LRRC53: variants seen among roughly 807,000 people sequenced by gnomAD.
LRRC53 encodes the protein leucine rich repeat containing 53.
Under a neutral mutation model 13.6 loss-of-function variants are expected in LRRC53, and 25 were observed. The ratio of observed to expected loss-of-function variants is 1.83; its 90% CI spans 1.34 to 2.56. The LOEUF is 2.56. Ranked by LOEUF, LRRC53 falls within the 30% of genes most tolerant of loss-of-function variation. The probability of loss-of-function intolerance (pLI) is 0.00; values close to 1 mark genes in which losing one functional copy is unlikely to be tolerated. For missense variants in LRRC53, 527 were observed against 275.8 expected (o/e 1.91, Z -6.45); for synonymous variants, 204 against 109.8 (o/e 1.86, Z -5.37).
chr1:74,511,344 C>T (rs554503958), intron 1 of LRRC53, among the ~76,000 whole-genome samples: 24 of 152,300 alleles, frequency 1.6e-4, no homozygotes, highest in African/African-American at 5.8e-4. Context: ...AGGCACACGT[C>T]ACTACACCCT....
intron 1 of LRRC53, among the ~76,000 whole-genome samples, chr1:74,485,290 G>T (rs1044799227): frequency 2.0e-5 from 3 of 152,194 alleles, no homozygotes; most frequent in African/African-American, 7.2e-5. Context: ...GGTAATTCCA[G>T]TCTGAGAAAA....
At chr1:74,535,338 G>A in the LRRC53 span, among the ~76,000 whole-genome samples, 1 of 152,094 alleles carries the variant, frequency 6.6e-6, no homozygotes, top group Non-Finnish European at 1.5e-5. Context: ...AGGCATGGTG[G>A]CACATGCCTG....
chr1:74,514,041 C>T (rs1399965585), upstream of LRRC53, among the ~76,000 whole-genome samples: 1 of 152,102 alleles, frequency 6.6e-6, no homozygotes, highest in Non-Finnish European at 1.5e-5. Context: ...AGCCAGTAAA[C>T]GATAACTGCG....
At position 74,492,064 on chromosome 1, in the gene LRRC53, T is replaced by C. The variant is rs1249431013; in HGVS notation, c.-26-8689A>G. 6 of 1,484,170 alleles carry C rather than the reference T, an allele frequency of 4.0e-6. No individual in the cohort carries two copies. In the East Asian group the frequency reaches 1.4e-4, roughly 35 times the overall value. 91.9% of individuals were successfully genotyped at this position (1,484,170 alleles called of 1,614,324 possible). A position where few individuals can be genotyped will look rare whatever the true frequency, so the allele number is the denominator to read the frequency against. On this transcript the variant is annotated intron_variant, in intron 1 of 4. Coordinates refer to ENST00000294635, the MANE Select transcript of LRRC53 (RefSeq NM_001382280.1). ...TATGTCTTCACACCTGTTGGAAGTA[T>C]TAAACAATTGAAATTGCCCCTCCTC...
At chr1:74,518,918 C>T in the LRRC53 span, among the ~76,000 whole-genome samples, 1 of 79,202 alleles carries the variant, frequency 1.3e-5, no homozygotes, top group Non-Finnish European at 2.0e-5. Flanking sequence ...TTTTAGGGTA[C>T]ATGTGCACAT....
rs1668595150 is a variant in LRRC53, at chr1:74,483,335, C to T, written c.15G>A (p.Val5=). 2 of 717,322 alleles carry T rather than the reference C, an allele frequency of 2.8e-6. No homozygotes were observed. Among genetic ancestry groups the T allele is most frequent in the African/African-American group, 1.7e-5 (1 of 57,208 alleles). The allele number at this position is 717,322 out of a possible 1,614,324, so 44.4% of individuals were successfully genotyped here. A position where few individuals can be genotyped will look rare whatever the true frequency, so the allele number is the denominator to read the frequency against. The change falls in exon 2 of 5, where the codon GTG becomes GTA. Residue 5 remains valine (V), a synonymous_variant. Coordinates refer to ENST00000294635, the MANE Select transcript of LRRC53 (RefSeq NM_001382280.1). Reference sequence around the variant, plus strand: ...CCACACATGACTCAGGGCAAGCTGCCACCAACCGCAACATGATGGCAAAGA... The same window carrying T: ...CCACACATGACTCAGGGCAAGCTGCTACCAACCGCAACATGATGGCAAAGA... MLRL[V]AACPESCVVC...
At chr1:74,480,041 C>T (rs975497680) in intron 3 of LRRC53, 112 bp downstream of exon 3, 8 of 613,138 alleles carry the variant, frequency 1.3e-5, no homozygotes, top group African/African-American at 1.3e-4. Context: ...CTGGCAACCT[C>T]TCCTTTCCAT....
intron 3 of LRRC53, among the ~76,000 whole-genome samples, chr1:74,476,086 ACT>A (rs1458261367): frequency 6.6e-6 from 1 of 151,958 alleles, no homozygotes; most frequent in East Asian, 1.9e-4. Context: ...ATGAACTGAA[ACT>A]CATTTAAGAT....
intron 1 of LRRC53, among the ~76,000 whole-genome samples, chr1:74,485,092 A>G (rs1006141411): frequency 1.3e-5 from 2 of 152,196 alleles, no homozygotes; most frequent in Non-Finnish European, 2.9e-5. Flanking sequence ...AAACCATTGT[A>G]TCAAAGAACT....
chr1:74,501,284 T>G (rs551863758), intron 1 of LRRC53, among the ~76,000 whole-genome samples: 39 of 152,322 alleles, frequency 2.6e-4, no homozygotes, highest in Non-Finnish European at 1.3e-4. Context: ...CATTTCTAAT[T>G]CAATTTATTT....
chr1:74,501,739 G>A (rs1030456385), intron 1 of LRRC53, among the ~76,000 whole-genome samples: 4 of 151,864 alleles, frequency 2.6e-5, no homozygotes, highest in African/African-American at 7.3e-5. Flanking sequence ...TGTCCACCTC[G>A]GCCTCCCAAA....
At chr1:74,513,994 T>C (rs919103107), upstream of LRRC53, among the ~76,000 whole-genome samples, 2 of 152,212 alleles carry the variant, frequency 1.3e-5, no homozygotes, top group Non-Finnish European at 2.9e-5. Flanking sequence ...TCTTTGGTTG[T>C]ACAGTGCCTG....
At chr1:74,527,102 T>C in the LRRC53 span, among the ~76,000 whole-genome samples, 1 of 152,160 alleles carries the variant, frequency 6.6e-6, no homozygotes, top group African/African-American at 2.4e-5. Flanking sequence ...ACTGTATACA[T>C]TGGAAATCCA....
At chr1:74,522,968 C>T in the LRRC53 span, among the ~76,000 whole-genome samples, 2 of 152,154 alleles carry the variant, frequency 1.3e-5, no homozygotes, top group African/African-American at 4.8e-5. Context: ...ATTGAAGAAT[C>T]CAAATTACTA....
At chr1:74,502,686 T>A (rs1013673493) in intron 1 of LRRC53, among the ~76,000 whole-genome samples, 1 of 152,188 alleles carries the variant, frequency 6.6e-6, no homozygotes, top group Non-Finnish European at 1.5e-5. Context: ...TAGCCTTTGA[T>A]TGGAGGGAAA....
At chr1:74,511,193 C>T (rs1670199915) in intron 1 of LRRC53, among the ~76,000 whole-genome samples, 2 of 95,716 alleles carry the variant, frequency 2.1e-5, no homozygotes, top group African/African-American at 1.0e-4. Flanking sequence ...CGTGCCCGGC[C>T]TATTTTTTTT....
chr1:74,529,063 G>A, the LRRC53 span, among the ~76,000 whole-genome samples: 3 of 152,270 alleles, frequency 2.0e-5, no homozygotes, highest in Non-Finnish European at 4.4e-5. Context: ...CAATAATATT[G>A]TAACTATAAG....
intron 1 of LRRC53, among the ~76,000 whole-genome samples, chr1:74,496,287 C>T (rs1372857996): frequency 2.0e-5 from 3 of 152,144 alleles, no homozygotes; most frequent in African/African-American, 7.2e-5. Flanking sequence ...CCAAAGGGGA[C>T]CATTTTGATG....
chr1:74,532,452 T>G, the LRRC53 span, among the ~76,000 whole-genome samples: 1 of 106,406 alleles, frequency 9.4e-6, no homozygotes, highest in Non-Finnish European at 1.8e-5. Context: ...CGTGCTATTA[T>G]TATTTTTTTC....
Sources: allele counts gnomAD v4.1 joint callset (sites outside exome capture counted in the v4.1 genomes callset), GRCh38; gene constraint gnomAD v4.1.1; transcripts MANE v1.5; gene names NCBI Gene and HGNC (gene_info 2026-07-23, HGNC 2026-07-21).